Variants in GLIS3 observed in about 807,000 individuals in gnomAD.
The protein encoded by GLIS3 is zinc finger protein GLIS3.
In GLIS3, 53 loss-of-function variants were observed where a neutral mutation model predicts 78.6. That is an observed-to-expected ratio of 0.67 (90% confidence interval 0.54 to 0.85). GLIS3 has a LOEUF of 0.85. Ranked by LOEUF, GLIS3 falls within the 40% of genes least tolerant of loss-of-function variation. The pLI is 0.00. For synonymous variants in GLIS3, 684 were observed against 509.9 expected (o/e 1.34, Z -4.60); for missense variants, 1,703 against 1,231.1 (o/e 1.38, Z -5.74).
the GLIS3 span, among the ~76,000 whole-genome samples, chr9:4,407,657 GAAAAAGAA>G: frequency 6.6e-6 from 1 of 151,974 alleles, no homozygotes; most frequent in African/African-American, 2.4e-5. Flanking sequence ...AAACAAAAAG[GAAAAAGAA>G]AAAAAGAAAA....
At position 3,977,482 on chromosome 9, in the gene GLIS3, T is replaced by C. The variant is rs182586397; in HGVS notation, c.1711-40293A>G. On this transcript the variant is annotated intron_variant, in intron 4 of 10. Coordinates refer to ENST00000381971, the MANE Select transcript of GLIS3 (RefSeq NM_001042413.2). The surrounding 1 kb of genome is among the most constrained non-coding windows in gnomAD (Gnocchi z 4.1). ...GCTCGGTAAGAAAAGAAAAGATTTATTGAATTCCTTTTGGCACCCGGCACA... is the reference window on the plus strand; with the variant it reads ...GCTCGGTAAGAAAAGAAAAGATTTACTGAATTCCTTTTGGCACCCGGCACA... 4.0e-4 allele frequency among the ~76,000 whole-genome samples: 61 copies of C among 152,316 alleles called. No homozygotes were observed. The highest frequency in any genetic ancestry group is 6.3e-4 in the Non-Finnish European group (43 of 68,022).
chr9:4,064,988 G>C (rs10511455), intron 4 of GLIS3, among the ~76,000 whole-genome samples: 8,935 of 152,208 alleles, frequency 0.059, 628 homozygotes, highest in East Asian at 0.24. Flanking sequence ...AAACAGGCTT[G>C]AAAATTAAAG....
chr9:4,407,853 G>C, the GLIS3 span, among the ~76,000 whole-genome samples: 1 of 152,012 alleles, frequency 6.6e-6, no homozygotes, highest in Non-Finnish European at 1.5e-5. Flanking sequence ...GAAAGTATTT[G>C]AACACTACCC....
At chr9:4,207,027 C>T (rs1323351501) in intron 2 of GLIS3, among the ~76,000 whole-genome samples, 2 of 152,210 alleles carry the variant, frequency 1.3e-5, no homozygotes, top group Non-Finnish European at 2.9e-5. Flanking sequence ...ACAAAGACAA[C>T]TTGCCCTTTT....
At chr9:4,255,753 G>C (rs1306866940) in intron 2 of GLIS3, among the ~76,000 whole-genome samples, 1 of 152,076 alleles carries the variant, frequency 6.6e-6, no homozygotes, top group Admixed American at 6.6e-5. Flanking sequence ...TTTTAGGGCA[G>C]TGAAACTATT....
the GLIS3 span, among the ~76,000 whole-genome samples, chr9:4,434,586 A>C: frequency 4.7e-4 from 71 of 152,250 alleles, no homozygotes; most frequent in African/African-American, 1.7e-3. Flanking sequence ...AGGGGGTGAT[A>C]GGTGGGTGAG....
At chr9:4,416,253 A>AT in the GLIS3 span, among the ~76,000 whole-genome samples, 2 of 16,508 alleles carry the variant, frequency 1.2e-4, no homozygotes, top group African/African-American at 3.9e-4. Context: ...CACTGTTTTT[A>AT]AAAAAAAAAA....
the GLIS3 span, among the ~76,000 whole-genome samples, chr9:4,358,670 T>G: frequency 2.0e-5 from 3 of 149,356 alleles, no homozygotes; most frequent in African/African-American, 7.7e-5. Context: ...GCATGCCTTG[T>G]ACAGTAGTCT....
At chr9:4,474,163 G>A in the GLIS3 span, among the ~76,000 whole-genome samples, 1 of 152,080 alleles carries the variant, frequency 6.6e-6, no homozygotes, top group South Asian at 2.1e-4. Context: ...AAATGTTCCA[G>A]GATTTACAAT....
At chr9:4,368,993 T>C in the GLIS3 span, among the ~76,000 whole-genome samples, 13 of 152,146 alleles carry the variant, frequency 8.5e-5, no homozygotes, top group African/African-American at 2.9e-4. Context: ...AAAAGAATGA[T>C]GTTTTCTTTT....
At chr9:4,114,514 C>A (rs554394583) in intron 4 of GLIS3, among the ~76,000 whole-genome samples, 1 of 152,236 alleles carries the variant, frequency 6.6e-6, no homozygotes, top group African/African-American at 2.4e-5. Flanking sequence ...GCTGATAATG[C>A]TCAAATATTT....
intron 2 of GLIS3, among the ~76,000 whole-genome samples, chr9:4,205,491 G>C (rs758147602): frequency 6.6e-6 from 1 of 152,198 alleles, no homozygotes; most frequent in Non-Finnish European, 1.5e-5. Flanking sequence ...TCTCTTCCCT[G>C]GAAGATTTGA....
At chr9:4,083,543 ATTAAT>A (rs1828735771) in intron 4 of GLIS3, among the ~76,000 whole-genome samples, 1 of 152,234 alleles carries the variant, frequency 6.6e-6, no homozygotes, top group Non-Finnish European at 1.5e-5. Flanking sequence ...AAATTGAAAC[ATTAAT>A]TTACTTTCCA....
At chr9:4,092,024 G>A (rs186496722) in intron 4 of GLIS3, among the ~76,000 whole-genome samples, 23 of 152,208 alleles carry the variant, frequency 1.5e-4, no homozygotes, top group East Asian at 5.8e-4. Flanking sequence ...GCTGAGAAAC[G>A]TGAGACCCTA....
At chr9:4,415,117 C>T in the GLIS3 span, among the ~76,000 whole-genome samples, 5 of 152,184 alleles carry the variant, frequency 3.3e-5, no homozygotes, top group Admixed American at 2.6e-4. Context: ...TCTGAAGGAC[C>T]TCCTCATCTA....
chr9:4,092,308 T>C (rs1468691128), intron 4 of GLIS3, among the ~76,000 whole-genome samples: 2 of 151,852 alleles, frequency 1.3e-5, no homozygotes, highest in African/African-American at 4.8e-5. Flanking sequence ...CCCACCACCA[T>C]GCCTGGCTCA....
At chr9:4,167,775 CA>C (rs1336563743) in intron 2 of GLIS3, among the ~76,000 whole-genome samples, 1 of 152,204 alleles carries the variant, frequency 6.6e-6, no homozygotes. Flanking sequence ...GCAAATCCAA[CA>C]GTAATACTTA....
rs567275994 is a variant in GLIS3, at chr9:4,245,110, G to C, written c.388+40928C>G. Among the ~76,000 whole-genome samples, 7 of 152,250 alleles carry C rather than the reference G, an allele frequency of 4.6e-5. No individual in the cohort carries two copies. The South Asian group carries it at 1.2e-3, about 27-fold the overall frequency. ...CTCTAAGTTGCTGTAACGTGTCTAG[G>C]TATGTATGTATCACAGATTTATGAC... On this transcript the variant is annotated intron_variant, in intron 2 of 10. Transcript: ENST00000381971.
chr9:4,323,639 T>C (rs1214459268), intron 2 of GLIS3, among the ~76,000 whole-genome samples: 2 of 152,200 alleles, frequency 1.3e-5, no homozygotes, highest in African/African-American at 4.8e-5. Flanking sequence ...GACCCCCTTA[T>C]TTATTATAGA....
Sources: gnomAD v4.1 joint callset for allele counts (sites outside exome capture counted in the v4.1 genomes callset) on GRCh38, gnomAD v4.1.1 for gene constraint, Gnocchi (gnomAD v3.1) non-coding constraint, MANE v1.5 for transcripts, NCBI Gene and HGNC (gene_info 2026-07-23, HGNC 2026-07-21) for gene names.